Variants in PCDHGB6 observed in about 807,000 individuals in gnomAD.
PCDHGB6 encodes the protein protocadherin gamma-B6.
Under a neutral mutation model 59.1 loss-of-function variants are expected in PCDHGB6, and 51 were observed. The observed-to-expected ratio is 0.86, with a 90% CI of 0.69 to 1.09. The LOEUF is 1.09. Ranked by LOEUF, PCDHGB6 falls within the 50% of genes least tolerant of loss-of-function variation. The pLI is 0.00. For missense variants in PCDHGB6, 1,148 were observed against 1,205.1 expected (o/e 0.95, Z 0.70); for synonymous variants, 466 against 495.1 (o/e 0.94, Z 0.78).
rs1301352900 is a variant in PCDHGB6, at chr5:141,491,765, A to T, written c.2419-3042A>T. ...GGCACTGGAGAAGCCGCCCGTCCTC[A>T]TAAGGGATTGAACTTGCATCCACTC... On this transcript the variant is annotated intron_variant, in intron 1 of 3. Transcript: ENST00000520790. The surrounding 1 kb of genome is among the most constrained non-coding windows in gnomAD (Gnocchi z 6.9). 1.3e-6 allele frequency: 2 copies of T among 1,569,228 alleles called. No individual in the cohort carries two copies. Among genetic ancestry groups the T allele is most frequent in the Non-Finnish European group, 1.7e-6 (2 of 1,158,736 alleles).
chr5:141,492,942 G>A (rs897160295), intron 1 of PCDHGB6, among the ~76,000 whole-genome samples: 3 of 152,220 alleles, frequency 2.0e-5, no homozygotes, highest in African/African-American at 7.2e-5. Context: ...GAGATTTGGA[G>A]GTGACCAAAC....
At chr5:141,483,743 C>G (rs1360515518) in intron 1 of PCDHGB6, among the ~76,000 whole-genome samples, 2 of 152,022 alleles carry the variant, frequency 1.3e-5, no homozygotes, top group Non-Finnish European at 2.9e-5. Context: ...AAAGGATATT[C>G]CTGAGGATCG....
At position 141,410,845 on chromosome 5, in the gene PCDHGB6, TTGTC is replaced by T. The variant is rs1434874838; in HGVS notation, c.2418+227_2418+230del. 23 of 429,726 alleles carry T rather than the reference TTGTC, an allele frequency of 5.4e-5. 1 individual carries two copies. Among genetic ancestry groups the T allele is most frequent in the Admixed American group, 8.8e-5 (2 of 22,654 alleles). The allele number at this position is 429,726 out of a possible 1,614,324, so 26.6% of individuals were successfully genotyped here. A position where few individuals can be genotyped will look rare whatever the true frequency, so the allele number is the denominator to read the frequency against. Reference sequence around the variant, plus strand: ...TCACCAGACTGAAGATATTTTGTCTTTGTCTTTTTTTTTTTTTTTTTTTTTTGAG... The same window carrying T: ...TCACCAGACTGAAGATATTTTGTCTTTTTTTTTTTTTTTTTTTTTTTTGAG... On this transcript the variant is annotated intron_variant, in intron 1 of 3. Transcript: ENST00000520790.
In PCDHGB6 at chr5:141,485,354, G is replaced by C; in HGVS notation, c.2419-9453G>C. 7 of 1,614,176 alleles carry C rather than the reference G, an allele frequency of 4.3e-6. No homozygotes were observed. Among genetic ancestry groups the C allele is most frequent in the Non-Finnish European group, 5.1e-6 (6 of 1,180,024 alleles). Reference sequence around the variant, plus strand: ...CCTGCTGGATACGGACAGTCTGTCAGCTCGCAGGCTGCAGGTCGCTGGAGA... The same window carrying C: ...CCTGCTGGATACGGACAGTCTGTCACCTCGCAGGCTGCAGGTCGCTGGAGA... On this transcript the variant is annotated intron_variant, in intron 1 of 3. Transcript: ENST00000520790. This position sits in a 1 kb window ranked among gnomAD's most constrained non-coding sequence, Gnocchi z 5.7.
At chr5:141,473,733 G>A (rs943072050) in intron 1 of PCDHGB6, among the ~76,000 whole-genome samples, 19 of 152,214 alleles carry the variant, frequency 1.2e-4, no homozygotes, top group Admixed American at 3.9e-4. Flanking sequence ...GAGAGAGGGA[G>A]AAGACATGAG....
chr5:141,480,730 G>A (rs1261461187), intron 1 of PCDHGB6, among the ~76,000 whole-genome samples: 1 of 152,168 alleles, frequency 6.6e-6, no homozygotes, highest in East Asian at 1.9e-4. Flanking sequence ...GTCTCTGGGG[G>A]TGGGACATAG....
rs751276470 is a variant in PCDHGB6, at chr5:141,431,560, C to A, written c.2418+20940C>A. 6.2e-7 allele frequency: 1 copy of A among 1,614,104 alleles called. No individual in the cohort carries two copies. On this transcript the variant is annotated intron_variant, in intron 1 of 3. Coordinates refer to ENST00000520790, the MANE Select transcript of PCDHGB6 (RefSeq NM_018926.3). This position sits in a 1 kb window ranked among gnomAD's most constrained non-coding sequence, Gnocchi z 4.8. ...CGCAGCTGCTTGTAGTCAACGCTAC[C>A]GACCCTGACGAAGGAGTCAATGCGG...
At chr5:141,419,658 A>T in intron 1 of PCDHGB6, 2 of 1,612,782 alleles carry the variant, frequency 1.2e-6, no homozygotes, top group Non-Finnish European at 1.7e-6. Flanking sequence ...GACTCGGGGC[A>T]CAATGCCTGG....
chr5:141,486,828 G>A lies in PCDHGB6; in HGVS notation c.2419-7979G>A, dbSNP rs140257646. 77 of 1,614,218 alleles carry A rather than the reference G, an allele frequency of 4.8e-5. 1 individual carries two copies. In the East Asian group the frequency reaches 1.2e-3, roughly 26 times the overall value. On this transcript the variant is annotated intron_variant, in intron 1 of 3. Transcript: ENST00000520790. This position sits in a 1 kb window ranked among gnomAD's most constrained non-coding sequence, Gnocchi z 5.0. ...CCCCTTAGCAGCACTGTAACAGTTCGTCTATTTGTGCTGGACCTCAATGAC... is the reference window on the plus strand; with the variant it reads ...CCCCTTAGCAGCACTGTAACAGTTCATCTATTTGTGCTGGACCTCAATGAC...
At chr5:141,497,013 A>G (rs2099773320) in intron 2 of PCDHGB6, among the ~76,000 whole-genome samples, 1 of 151,990 alleles carries the variant, frequency 6.6e-6, no homozygotes, top group Admixed American at 6.6e-5. Context: ...ACATGGTGAA[A>G]CCCCATCTCG....
chr5:141,427,671 A>T (rs1441504057), intron 1 of PCDHGB6: 1 of 798,486 alleles, frequency 1.3e-6, no homozygotes, highest in East Asian at 2.6e-5. Flanking sequence ...GGCCGAAAAC[A>T]ACCTTCCCGG....
rs747132868 is a variant in PCDHGB6 at position 141,431,424 on chromosome 5, G to C, written c.2418+20804G>C. ...GCCTCCGACGGGGGCGACCCGGTGC[G>C]CACAGGCACCGCGCGCATCCGCGTG... On this transcript the variant is annotated intron_variant, in intron 1 of 3. Coordinates refer to ENST00000520790, the MANE Select transcript of PCDHGB6 (RefSeq NM_018926.3). This position sits in a 1 kb window ranked among gnomAD's most constrained non-coding sequence, Gnocchi z 4.8. The C allele has an allele frequency of 6.2e-7, 1 of 1,613,558 alleles. No individual in the cohort carries two copies. The highest frequency in any genetic ancestry group is 1.1e-5 in the South Asian group (1 of 91,082).
At chr5:141,416,711 C>G (rs962144454) in intron 1 of PCDHGB6, 1 of 152,152 alleles carries the variant, frequency 6.6e-6, no homozygotes, top group South Asian at 2.1e-4. Context: ...ATTGGAGGTA[C>G]TGATGAGTTC....
intron 1 of PCDHGB6, among the ~76,000 whole-genome samples, chr5:141,474,747 A>AGACAAATAT (rs1447050692): frequency 6.6e-6 from 1 of 152,264 alleles, no homozygotes; most frequent in African/African-American, 2.4e-5. Context: ...GTGATGTCCA[A>AGACAAATAT]GACAAATATA....
chr5:141,411,868 A>G (rs2095520425), intron 1 of PCDHGB6: 1 of 152,224 alleles, frequency 6.6e-6, no homozygotes, highest in South Asian at 2.1e-4. Flanking sequence ...TCAAAAAAAA[A>G]AGACATTTCT....
chr5:141,423,678 G>A (rs1161093615), intron 1 of PCDHGB6: 3 of 1,496,158 alleles, frequency 2.0e-6, no homozygotes, highest in Non-Finnish European at 2.7e-6. Flanking sequence ...TTATTTCTCT[G>A]CCTCCTAATT....
At position 141,422,391 on chromosome 5, in the gene PCDHGB6, T is replaced by A. The variant is rs1036823508; in HGVS notation, c.2418+11771T>A. On this transcript the variant is annotated intron_variant, in intron 1 of 3. Transcript: ENST00000520790. ...ATGGTCAAGTCTCCTGTTTTATTCCTAACCACCTGCCTTTTAAATTAGAAA... is the reference window on the plus strand; with the variant it reads ...ATGGTCAAGTCTCCTGTTTTATTCCAAACCACCTGCCTTTTAAATTAGAAA... 2.5e-6 allele frequency: 4 copies of A among 1,591,932 alleles called. No individual in the cohort carries two copies. The African/African-American group carries it at 4.1e-5, about 16-fold the overall frequency.
intron 1 of PCDHGB6, chr5:141,433,012 G>A (rs1402902269): frequency 2.5e-6 from 4 of 1,614,054 alleles, no homozygotes; most frequent in Non-Finnish European, 3.4e-6. Flanking sequence ...CTTTCCTGCA[G>A]ACCTATTCCC....
rs1309165721 is a variant in PCDHGB6 at position 141,430,655 on chromosome 5, G to A, written c.2418+20035G>A. On this transcript the variant is annotated intron_variant, in intron 1 of 3. Coordinates refer to ENST00000520790, the MANE Select transcript of PCDHGB6 (RefSeq NM_018926.3). Reference sequence around the variant, plus strand: ...ATCCCTGGGAGTATGTGGAAACAACGGAGGAGCTCTGACTTCCCAACTGTC... The same window carrying A: ...ATCCCTGGGAGTATGTGGAAACAACAGAGGAGCTCTGACTTCCCAACTGTC... 4.6e-6 allele frequency: 5 copies of A among 1,084,938 alleles called. No individual in the cohort carries two copies. In the East Asian group the frequency reaches 7.8e-5, roughly 17 times the overall value. 67.2% of individuals were successfully genotyped at this position (1,084,938 alleles called of 1,614,324 possible).
Sources: gnomAD v4.1 joint callset for allele counts (sites outside exome capture counted in the v4.1 genomes callset) on GRCh38, gnomAD v4.1.1 for gene constraint, Gnocchi (gnomAD v3.1) non-coding constraint, MANE v1.5 for transcripts, NCBI Gene and HGNC (gene_info 2026-07-23, HGNC 2026-07-21) for gene names.